The following UBAC2 variants were observed in gnomAD, a reference collection of about 807,000 sequenced individuals.
UBAC2 encodes ubiquitin-associated domain-containing protein 2.
Under a neutral mutation model 44.0 loss-of-function variants are expected in UBAC2, and 26 were observed. That is an observed-to-expected ratio of 0.59 (90% confidence interval 0.43 to 0.82). The LOEUF is 0.82. UBAC2 is among the 40% of genes least tolerant of loss of function. The probability of loss-of-function intolerance (pLI) is 0.00; values close to 1 mark genes in which losing one functional copy is unlikely to be tolerated. For missense variants in UBAC2, 329 were observed against 419.4 expected (o/e 0.78, Z 1.88); for synonymous variants, 155 against 154.3 (o/e 1.00, Z -0.04).
intron 8 of UBAC2, among the ~76,000 whole-genome samples, chr13:99,373,807 A>C (rs971156130): frequency 1.3e-5 from 2 of 152,152 alleles, no homozygotes; most frequent in Non-Finnish European, 2.9e-5. Context: ...GATGTGTGGC[A>C]TGTGGTTATA....
intron 1 of UBAC2, among the ~76,000 whole-genome samples, chr13:99,203,017 G>GTTTCA (rs1566444060): frequency 2.7e-5 from 3 of 112,910 alleles, no homozygotes; most frequent in Middle Eastern, 4.6e-3. Context: ...GATTTCCTTT[G>GTTTCA]TTTTATTTTA....
intron 6 of UBAC2, among the ~76,000 whole-genome samples, chr13:99,338,735 A>ACTGTCTTGT (rs2044839086): frequency 6.6e-6 from 1 of 152,192 alleles, no homozygotes; most frequent in African/African-American, 2.4e-5. Flanking sequence ...TTTGGTACCA[A>ACTGTCTTGT]AACTGTTCTT....
chr13:99,220,920 G>A (rs2043046152), intron 1 of UBAC2, among the ~76,000 whole-genome samples: 1 of 151,998 alleles, frequency 6.6e-6, no homozygotes, highest in South Asian at 2.1e-4. Context: ...ACAGACCAGA[G>A]ATTATCTCTG....
At position 99,367,777 on chromosome 13, in the gene UBAC2, C is replaced by T; in HGVS notation, c.808-10C>T. 1 of 1,613,972 alleles carries T rather than the reference C, an allele frequency of 6.2e-7. No homozygotes were observed. The highest frequency in any genetic ancestry group is 8.5e-7 in the Non-Finnish European group (1 of 1,179,876). ...CTGTGTCTGATAACTGTGTGTTGAT[C>T]TCTTTTTAGGGAGGAATGATCAATT... On this transcript the variant is annotated splice_polypyrimidine_tract_variant and intron_variant, in intron 7 of 8. Transcript: ENST00000403766.
intron 4 of UBAC2, among the ~76,000 whole-genome samples, chr13:99,257,085 T>TTTCCC (rs913069224): frequency 8.5e-5 from 13 of 152,146 alleles, no homozygotes; most frequent in Non-Finnish European, 1.5e-4. Flanking sequence ...CCTTCCTTCC[T>TTTCCC]TTCCCTTCCC....
chr13:99,376,745 C>T (rs116749830), intron 8 of UBAC2, among the ~76,000 whole-genome samples: 121 of 152,294 alleles, frequency 7.9e-4, no homozygotes, highest in African/African-American at 2.8e-3. Context: ...GATTTGGGGG[C>T]TAGAAACCAA....
intron 6 of UBAC2, among the ~76,000 whole-genome samples, chr13:99,319,256 A>T (rs1208267754): frequency 6.6e-6 from 1 of 152,218 alleles, no homozygotes; most frequent in African/African-American, 2.4e-5. Context: ...TTCATCCATG[A>T]CTTAAATTTA....
At chr13:99,257,629 A>C (rs930835718) in intron 4 of UBAC2, among the ~76,000 whole-genome samples, 1 of 152,226 alleles carries the variant, frequency 6.6e-6, no homozygotes, top group African/African-American at 2.4e-5. Flanking sequence ...TTTTTGGATA[A>C]ATATTGAAAA....
chr13:99,364,143 G>C (rs1343417541), intron 7 of UBAC2, among the ~76,000 whole-genome samples: 1 of 142,136 alleles, frequency 7.0e-6, no homozygotes, highest in Non-Finnish European at 1.6e-5. Context: ...ATTTTTGTTT[G>C]GGTTTGGTTT....
chr13:99,312,367 G>T (rs2044423468), intron 4 of UBAC2, among the ~76,000 whole-genome samples: 1 of 152,162 alleles, frequency 6.6e-6, no homozygotes, highest in Non-Finnish European at 1.5e-5. Context: ...ATAAAACACA[G>T]ACTGAGTAAT....
At chr13:99,222,413 CAT>C (rs2043061122) in intron 1 of UBAC2, among the ~76,000 whole-genome samples, 1 of 152,188 alleles carries the variant, frequency 6.6e-6, no homozygotes. Context: ...AAGTAGCACA[CAT>C]AAAGTGTGAT....
chr13:99,203,580 G>A (rs1439624182), intron 1 of UBAC2, among the ~76,000 whole-genome samples: 1 of 152,146 alleles, frequency 6.6e-6, no homozygotes, highest in Non-Finnish European at 1.5e-5. Flanking sequence ...AGTGTCTGTT[G>A]GGTACCCATA....
rs1238645975 is a variant in UBAC2, at chr13:99,314,157, G to A, written c.450G>A (p.Val150=). ...PFYCSIPRVQ[V]AQILGPLSIT... Reference sequence around the variant, plus strand: ...ACTGCTCCATACCAAGAGTCCAAGTGGCACAAATTCTGGGTCCGTTGTCCA... The same window carrying A: ...ACTGCTCCATACCAAGAGTCCAAGTAGCACAAATTCTGGGTCCGTTGTCCA... The change falls in exon 5 of 9, where the codon GTG becomes GTA. Residue 150 remains valine (V), a synonymous_variant. Transcript: ENST00000403766. The A allele has an allele frequency of 6.2e-7, 1 of 1,613,676 alleles. No homozygotes were observed. Among genetic ancestry groups the A allele is most frequent in the Admixed American group, 1.7e-5 (1 of 59,984 alleles).
intron 6 of UBAC2, among the ~76,000 whole-genome samples, chr13:99,327,642 G>A (rs2044657926): frequency 6.6e-6 from 1 of 152,060 alleles, no homozygotes; most frequent in South Asian, 2.1e-4. Flanking sequence ...CAACAGCATA[G>A]GATGTTATCA....
At chr13:99,297,659 A>C (rs530285244) in intron 4 of UBAC2, among the ~76,000 whole-genome samples, 2 of 152,158 alleles carry the variant, frequency 1.3e-5, no homozygotes, top group Non-Finnish European at 1.5e-5. Flanking sequence ...AAATGGAAAT[A>C]AAACATTTTA....
chr13:99,319,667 A>T (rs2044542982), intron 6 of UBAC2, among the ~76,000 whole-genome samples: 1 of 152,240 alleles, frequency 6.6e-6, no homozygotes. Flanking sequence ...CTTCAGGACC[A>T]CAGAGCTAAA....
intron 4 of UBAC2, among the ~76,000 whole-genome samples, chr13:99,304,917 A>G (rs1272145470): frequency 6.6e-6 from 1 of 152,242 alleles, no homozygotes; most frequent in East Asian, 1.9e-4. Flanking sequence ...CTTAACGTAC[A>G]CTAACTCATA....
chr13:99,369,296 T>C (rs1297498868), intron 8 of UBAC2, among the ~76,000 whole-genome samples: 1 of 152,198 alleles, frequency 6.6e-6, no homozygotes, highest in Non-Finnish European at 1.5e-5. Flanking sequence ...AATTTTACAG[T>C]GGTGCAAAAG....
intron 4 of UBAC2, among the ~76,000 whole-genome samples, chr13:99,309,762 A>G (rs1429663276): frequency 6.6e-6 from 1 of 151,948 alleles, no homozygotes; most frequent in Non-Finnish European, 1.5e-5. Flanking sequence ...CACCACGCCC[A>G]GCTAATTTTT....
Sources: allele counts gnomAD v4.1 joint callset (sites outside exome capture counted in the v4.1 genomes callset), GRCh38; gene constraint gnomAD v4.1.1; transcripts MANE v1.5; gene names NCBI Gene and HGNC (gene_info 2026-07-23, HGNC 2026-07-21).